FAM135B: variants seen among roughly 807,000 people sequenced by gnomAD.
FAM135B encodes the protein family with sequence similarity 135 member B.
Under a neutral mutation model 127.7 loss-of-function variants are expected in FAM135B, and 43 were observed. The observed-to-expected ratio is 0.34, with a 90% CI of 0.26 to 0.43. FAM135B has a LOEUF of 0.43. Ranked by LOEUF, FAM135B falls within the 20% of genes least tolerant of loss-of-function variation. FAM135B has a pLI of 1.00. For synonymous variants in FAM135B, 670 were observed against 665.1 expected, an observed-to-expected ratio of 1.01 and a Z score of -0.11; for missense variants, 1,558 against 1,725.6, an observed-to-expected ratio of 0.90 and a Z score of 1.72.
intron 1 of FAM135B, among the ~76,000 whole-genome samples, chr8:138,393,459 A>G (rs1832695539): frequency 1.3e-5 from 2 of 151,562 alleles, no homozygotes; most frequent in South Asian, 4.2e-4. Flanking sequence ...TTTAGTGAAA[A>G]AAAAAAAAAA....
At chr8:138,200,737 A>T (rs1156937503) in intron 7 of FAM135B, among the ~76,000 whole-genome samples, 2 of 152,214 alleles carry the variant, frequency 1.3e-5, no homozygotes, top group Admixed American at 6.5e-5. Flanking sequence ...TCTTGAAAAC[A>T]TGCACTGACA....
At chr8:138,386,961 G>T (rs1328350171) in intron 1 of FAM135B, among the ~76,000 whole-genome samples, 1 of 152,112 alleles carries the variant, frequency 6.6e-6, no homozygotes, top group African/African-American at 2.4e-5. Flanking sequence ...GCCTGCCACA[G>T]GATCATACAG....
chr8:138,146,758 A>C (rs1452798519), intron 14 of FAM135B, among the ~76,000 whole-genome samples: 1 of 152,234 alleles, frequency 6.6e-6, no homozygotes, highest in African/African-American at 2.4e-5. Flanking sequence ...GTGAGGCATA[A>C]ATTTAATGCT....
rs531626737 is a variant in FAM135B, at chr8:138,223,764, G to A, written c.669+19178C>T. Among the ~76,000 whole-genome samples the A allele has an allele frequency of 5.3e-5, 8 of 152,236 alleles. No individual in the cohort carries two copies. The East Asian group carries it at 1.5e-3, about 29-fold the overall frequency. On this transcript the variant is annotated intron_variant, in intron 7 of 19. Coordinates refer to ENST00000395297, the MANE Select transcript of FAM135B (RefSeq NM_015912.4). ...ATGTTCTTCGCAGCACTATTCACAA[G>A]AGCAAAGACACGGAATCAACCTAAG...
At chr8:138,475,199 ACT>A (rs1476017883) in intron 1 of FAM135B, among the ~76,000 whole-genome samples, 1 of 151,960 alleles carries the variant, frequency 6.6e-6, no homozygotes, top group Non-Finnish European at 1.5e-5. Flanking sequence ...TTTGTGCAAG[ACT>A]CTGTTGGTTT....
Position 138,270,893 on chromosome 8 carries a change from C to T in FAM135B, c.158-5051G>A, listed in dbSNP as rs1305634306. Among the ~76,000 whole-genome samples the T allele has an allele frequency of 2.0e-5, 3 of 152,210 alleles. No homozygotes were observed. In the East Asian group the frequency reaches 5.8e-4, roughly 29 times the overall value. On this transcript the variant is annotated intron_variant, in intron 3 of 19. Transcript: ENST00000395297. ...AACCTGGGAGCTCAGGGTGGAGGCC[C>T]TAGTGGCCTGTGCAGATAACTGGAG... is the stretch of plus-strand genomic sequence containing the variant.
rs1586703693 is a variant in FAM135B at position 138,181,462 on chromosome 8, C to T, written c.874-2772G>A. Among the ~76,000 whole-genome samples, 4 of 152,166 alleles carry T rather than the reference C, an allele frequency of 2.6e-5. No individual in the cohort carries two copies. The East Asian group carries it at 7.8e-4, about 30-fold the overall frequency. ...AAATGCCCCCCACCTCACCTCTGCC[C>T]ACTTCCCATCCTGGCCCAGTGCACT... On this transcript the variant is annotated intron_variant, in intron 9 of 19. Coordinates refer to ENST00000395297, the MANE Select transcript of FAM135B (RefSeq NM_015912.4).
At chr8:138,271,591 G>A (rs950661290) in intron 3 of FAM135B, among the ~76,000 whole-genome samples, 1 of 152,076 alleles carries the variant, frequency 6.6e-6, no homozygotes, top group African/African-American at 2.4e-5. Context: ...TCCCATCATT[G>A]TCCGACTCCA....
At chr8:138,402,940 G>A (rs1288440218) in intron 1 of FAM135B, among the ~76,000 whole-genome samples, 2 of 152,080 alleles carry the variant, frequency 1.3e-5, no homozygotes, top group African/African-American at 4.8e-5. Flanking sequence ...GACCTTACAA[G>A]AAGAGACATG....
At position 138,340,708 on chromosome 8, in the gene FAM135B, C is replaced by T. The variant is rs531845287; in HGVS notation, c.77+27199G>A. On this transcript the variant is annotated intron_variant, in intron 2 of 19. Coordinates refer to ENST00000395297, the MANE Select transcript of FAM135B (RefSeq NM_015912.4). The stretch of plus-strand genomic sequence containing the variant: ...TGGTCCAGCTCTCCCACATCCATCC[C>T]CTCCTCCCTCCTGCATGCTTCCCAC... Among the ~76,000 whole-genome samples the T allele has an allele frequency of 1.4e-4, 22 of 152,226 alleles. No homozygotes were observed. In the South Asian group the frequency reaches 4.4e-3, roughly 30 times the overall value.
rs1816169242 is a variant in FAM135B, at chr8:138,130,980, A to G, written c.*1613T>C. On this transcript the variant is annotated 3_prime_UTR_variant, in exon 20 of 20. Transcript: ENST00000395297. ...TTGCAAGACATTCAACTCTCCCTCAACGACCCTCTCTTTCTTCAAAAGAAT... is the reference window on the plus strand; with the variant it reads ...TTGCAAGACATTCAACTCTCCCTCAGCGACCCTCTCTTTCTTCAAAAGAAT... 2.6e-5 allele frequency: 4 copies of G among 152,316 alleles called. No homozygotes were observed. In the South Asian group the frequency reaches 6.2e-4, roughly 24 times the overall value. 9.4% of individuals were successfully genotyped at this position (152,316 alleles called of 1,614,324 possible).
At position 138,241,939 on chromosome 8, in the gene FAM135B, CTG is replaced by C. The variant is rs1286284296; in HGVS notation, c.669+1001_669+1002del. The stretch of plus-strand genomic sequence containing the variant: ...GACAAAAAGACTGAGTGAGAGAAAA[CTG>C]TCTCTCTTATTTATTGTCTTTGATC... On this transcript the variant is annotated intron_variant, in intron 7 of 19. Coordinates refer to ENST00000395297, the MANE Select transcript of FAM135B (RefSeq NM_015912.4). The surrounding 1 kb of genome is among the most constrained non-coding windows in gnomAD (Gnocchi z 4.8). 6.6e-6 allele frequency among the ~76,000 whole-genome samples: 1 copy of C among 152,108 alleles called. No homozygotes were observed. Among genetic ancestry groups the C allele is most frequent in the East Asian group, 1.9e-4 (1 of 5,194 alleles).
intron 1 of FAM135B, among the ~76,000 whole-genome samples, chr8:138,486,936 C>A (rs1205654810): frequency 6.6e-6 from 1 of 152,092 alleles, no homozygotes; most frequent in East Asian, 1.9e-4. Flanking sequence ...CAAGAAGGTT[C>A]CTGGGATGAA....
chr8:138,421,323 A>C (rs1587411038), intron 1 of FAM135B, among the ~76,000 whole-genome samples: 1 of 152,288 alleles, frequency 6.6e-6, no homozygotes, highest in East Asian at 1.9e-4. Flanking sequence ...AAAAAAATAT[A>C]TATCTAAATA....
intron 2 of FAM135B, among the ~76,000 whole-genome samples, chr8:138,351,525 AAAG>A (rs915865934): frequency 5.9e-5 from 9 of 152,114 alleles, no homozygotes; most frequent in Non-Finnish European, 1.2e-4. Flanking sequence ...CAGTCCTGAG[AAAG>A]AAGAAATGCC....
intron 1 of FAM135B, among the ~76,000 whole-genome samples, chr8:138,470,335 G>T (rs2131645415): frequency 6.6e-6 from 1 of 152,182 alleles, no homozygotes; most frequent in African/African-American, 2.4e-5. Flanking sequence ...CACAGACATA[G>T]ATATTATATT....
intron 2 of FAM135B, among the ~76,000 whole-genome samples, chr8:138,329,984 C>T (rs945284267): frequency 6.6e-6 from 1 of 152,052 alleles, no homozygotes; most frequent in Non-Finnish European, 1.5e-5. Context: ...TTGAACAGAA[C>T]ATAAGAATGC....
intron 3 of FAM135B, among the ~76,000 whole-genome samples, chr8:138,273,200 C>CT (rs1341612383): frequency 1.3e-5 from 2 of 152,052 alleles, no homozygotes; most frequent in African/African-American, 2.4e-5. Flanking sequence ...GGAAAATAAT[C>CT]TTTTTTTGTT....
At position 138,302,951 on chromosome 8, in the gene FAM135B, T is replaced by C. The variant is rs575167249; in HGVS notation, c.157+7890A>G. Among the ~76,000 whole-genome samples, 341 of 152,176 alleles carry C rather than the reference T, an allele frequency of 2.2e-3. 1 individual carries two copies. The highest frequency in any genetic ancestry group is 3.8e-3 in the Non-Finnish European group (261 of 67,984). On this transcript the variant is annotated intron_variant, in intron 3 of 19. Coordinates refer to ENST00000395297, the MANE Select transcript of FAM135B (RefSeq NM_015912.4). Reference sequence around the variant, plus strand: ...CAGGAAACAACAGATGCTGGAGAGGTTGTGGACAAATAGGAACGCTTTTAC... The same window carrying C: ...CAGGAAACAACAGATGCTGGAGAGGCTGTGGACAAATAGGAACGCTTTTAC...
Sources: gnomAD v4.1 joint callset for allele counts (sites outside exome capture counted in the v4.1 genomes callset) on GRCh38, gnomAD v4.1.1 for gene constraint, Gnocchi (gnomAD v3.1) non-coding constraint, MANE v1.5 for transcripts, NCBI Gene and HGNC (gene_info 2026-07-23, HGNC 2026-07-21) for gene names.